Variants in OXNAD1 observed in about 807,000 individuals in gnomAD.
OXNAD1 encodes the protein oxidoreductase NAD-binding domain-containing protein 1.
Under a neutral mutation model 32.9 loss-of-function variants are expected in OXNAD1, and 34 were observed. The ratio of observed to expected loss-of-function variants is 1.03; its 90% CI spans 0.79 to 1.38. OXNAD1 has a LOEUF of 1.38. OXNAD1 is among the 40% of genes most tolerant of loss of function. The pLI, the probability that OXNAD1 is intolerant of heterozygous loss-of-function variation, is 0.00. For synonymous variants in OXNAD1, 134 were observed against 135.2 expected (o/e 0.99, Z 0.06); for missense variants, 407 against 379.4 (o/e 1.07, Z -0.60).
intron 6 of OXNAD1, among the ~76,000 whole-genome samples, chr3:16,300,028 C>T (rs1046988967): frequency 1.3e-5 from 2 of 152,118 alleles, no homozygotes; most frequent in Non-Finnish European, 2.9e-5. Flanking sequence ...GCAGATGAGG[C>T]TCAGAATTTA....
intron 6 of OXNAD1, among the ~76,000 whole-genome samples, chr3:16,300,484 C>G (rs2067103266): frequency 6.6e-6 from 1 of 151,998 alleles, no homozygotes; most frequent in South Asian, 2.1e-4. Flanking sequence ...CTGAACACAA[C>G]AAAGTGTAAT....
Position 16,269,221 on chromosome 3 carries a change from T to C in OXNAD1, c.-63T>C. 6.5e-7 allele frequency: 1 copy of C among 1,534,664 alleles called. No individual in the cohort carries two copies. The highest frequency in any genetic ancestry group is 8.7e-7 in the Non-Finnish European group (1 of 1,146,526). Reference sequence around the variant, plus strand: ...GTGTAATAGCAGGACCAAAATATTCTGTCAATCAGCTGACCATATACTTAA... The same window carrying C: ...GTGTAATAGCAGGACCAAAATATTCCGTCAATCAGCTGACCATATACTTAA... On this transcript the variant is annotated 5_prime_UTR_variant, in exon 2 of 9. Coordinates refer to ENST00000285083, the MANE Select transcript of OXNAD1 (RefSeq NM_138381.5).
At chr3:16,272,332 C>T in intron 4 of OXNAD1, 1 of 234,236 alleles carries the variant, frequency 4.3e-6, no homozygotes, top group Non-Finnish European at 8.8e-6. Context: ...GTGAGTAACC[C>T]CATTTTTGTT....
rs371068891 is a variant in OXNAD1, at chr3:16,296,052, AAG to A, written c.432+1058_432+1059del. Among the ~76,000 whole-genome samples the A allele has an allele frequency of 8.7e-3, 1,328 of 152,272 alleles. 11 individuals are homozygous for A. Among genetic ancestry groups the A allele is most frequent in the Middle Eastern group, 0.034 (10 of 294 alleles). On this transcript the variant is annotated intron_variant, in intron 6 of 8. Transcript: ENST00000285083. ...GTGGGACTTACAGCTCTTGCCTGCA[AAG>A]AGGGTATGGAAACACAGTTGCGTTT...
intron 2 of OXNAD1, among the ~76,000 whole-genome samples, chr3:16,269,677 A>G (rs944705370): frequency 4.6e-5 from 7 of 152,234 alleles, no homozygotes; most frequent in African/African-American, 9.6e-5. Flanking sequence ...AGTGCCTGCC[A>G]CATAGTGGAC....
rs1407324910 is a variant in OXNAD1 at position 16,321,534 on chromosome 3, G to T, written c.*31-15578G>T. 2.0e-5 allele frequency among the ~76,000 whole-genome samples: 3 copies of T among 152,174 alleles called. No individual in the cohort carries two copies. The highest frequency in any genetic ancestry group is 3.2e-3 in the Middle Eastern group (1 of 316). ...GACGCTGACCCTTGTCAGCTGAGGA[G>T]TGAGGAGGGGACACCCAGTGCAGAA... On this transcript the variant is annotated intron_variant, in intron 9 of 9. Coordinates refer to the OXNAD1 transcript ENST00000435829. This position sits in a 1 kb window ranked among gnomAD's most constrained non-coding sequence, Gnocchi z 4.8.
At position 16,293,360 on chromosome 3, in the gene OXNAD1, G is replaced by A. The variant is rs142489974; in HGVS notation, c.291-1496G>A. 1.1e-4 allele frequency among the ~76,000 whole-genome samples: 17 copies of A among 152,192 alleles called. No individual in the cohort carries two copies. In the East Asian group the frequency reaches 3.3e-3, roughly 29 times the overall value. ...GTGTATAGAGATACAGTTGATTTTT[G>A]TCTGTTGATCTTGTATCCTGCAAAC... On this transcript the variant is annotated intron_variant, in intron 5 of 8. Transcript: ENST00000285083.
Position 16,302,821 on chromosome 3 carries a change from A to G in OXNAD1, c.784+73A>G, listed in dbSNP as rs150823182. On this transcript the variant is annotated intron_variant, in intron 8 of 8. Transcript: ENST00000285083. This position sits in a 1 kb window ranked among gnomAD's most constrained non-coding sequence, Gnocchi z 4.2. ...GGACACACCAGTTGGTTGAGCGTAGATGCTTTATTGTTGGAAGCTGCTGGC... is the reference window on the plus strand; with the variant it reads ...GGACACACCAGTTGGTTGAGCGTAGGTGCTTTATTGTTGGAAGCTGCTGGC... 1,972 of 1,146,772 alleles carry G rather than the reference A, an allele frequency of 1.7e-3. 7 individuals are homozygous for G. The highest frequency in any genetic ancestry group is 3.6e-3 in the Admixed American group (171 of 47,248). The allele number at this position is 1,146,772 out of a possible 1,614,324, so 71.0% of individuals were successfully genotyped here. A position where few individuals can be genotyped will look rare whatever the true frequency, so the allele number is the denominator to read the frequency against.
rs1180746388 is a variant in OXNAD1 at position 16,342,398 on chromosome 3, C to T, written c.*31-6778C>T. 4.6e-5 allele frequency among the ~76,000 whole-genome samples: 7 copies of T among 152,190 alleles called. No individual in the cohort carries two copies. The highest frequency in any genetic ancestry group is 3.9e-4 in the Admixed American group (6 of 15,278). ...TTCCTTTTTATTGCAAAATAATATT[C>T]CATCATATGGATATACCATAGTTTA... is the stretch of plus-strand genomic sequence containing the variant. On this transcript the variant is annotated intron_variant, in intron 9 of 9. Coordinates refer to the OXNAD1 transcript ENST00000606098. This position sits in a 1 kb window ranked among gnomAD's most constrained non-coding sequence, Gnocchi z 4.0.
At chr3:16,296,407 A>C (rs34478550) in intron 6 of OXNAD1, among the ~76,000 whole-genome samples, 2 of 152,212 alleles carry the variant, frequency 1.3e-5, no homozygotes, top group Non-Finnish European at 2.9e-5. Context: ...CCTTAAATTG[A>C]TTTACAGATT....
rs886568493 is a variant in OXNAD1 at position 16,301,542 on chromosome 3, A to G, written c.433-84A>G. On this transcript the variant is annotated intron_variant, in intron 6 of 8. Transcript: ENST00000285083. The surrounding 1 kb of genome is among the most constrained non-coding windows in gnomAD (Gnocchi z 4.1). ...GTCTTAAATACTGATAATACAGGAGATAGACCCAGTTTTATTAAAGTAGAA... is the reference window on the plus strand; with the variant it reads ...GTCTTAAATACTGATAATACAGGAGGTAGACCCAGTTTTATTAAAGTAGAA... 9 of 1,492,446 alleles carry G rather than the reference A, an allele frequency of 6.0e-6. No homozygotes were observed. The Admixed American group carries it at 9.4e-5, about 16-fold the overall frequency. 92.5% of individuals were successfully genotyped at this position (1,492,446 alleles called of 1,614,324 possible).
intron 9 of OXNAD1, among the ~76,000 whole-genome samples, chr3:16,311,245 G>C (rs2067966219): frequency 7.3e-6 from 1 of 137,690 alleles, no homozygotes; most frequent in Non-Finnish European, 1.5e-5. Flanking sequence ...CTAGGCTGGA[G>C]TGCAGTGGCA....
At chr3:16,300,948 A>T (rs2067139016) in intron 6 of OXNAD1, among the ~76,000 whole-genome samples, 1 of 152,194 alleles carries the variant, frequency 6.6e-6, no homozygotes. Context: ...ACTGAGAAAA[A>T]CAGTACATTC....
Position 16,316,634 on chromosome 3 carries a change from C to G in OXNAD1, c.*30+13042C>G. 2.9e-6 allele frequency: 2 copies of G among 678,688 alleles called. No individual in the cohort carries two copies. The highest frequency in any genetic ancestry group is 3.5e-5 in the South Asian group (2 of 57,818). 42.0% of individuals were successfully genotyped at this position (678,688 alleles called of 1,614,324 possible). A position where few individuals can be genotyped will look rare whatever the true frequency, so the allele number is the denominator to read the frequency against. ...ACACTGGGTCATTAATGACACCTTT[C>G]CAGTGGATGTGCAAAAACCAACACT... On this transcript the variant is annotated intron_variant, in intron 9 of 9. Coordinates refer to the OXNAD1 transcript ENST00000435829. The surrounding 1 kb of genome is among the most constrained non-coding windows in gnomAD (Gnocchi z 4.5).
rs2068176935 is a variant in OXNAD1, at chr3:16,314,236, C to G, written c.*30+10644C>G. On this transcript the variant is annotated intron_variant, in intron 9 of 9. Transcript: ENST00000435829. The surrounding 1 kb of genome is among the most constrained non-coding windows in gnomAD (Gnocchi z 4.4). ...GGGACCTGGTCAGTGCAAATGATGG[C>G]TTTTTACCCTATTGGCAATCACAGG... Among the ~76,000 whole-genome samples the G allele has an allele frequency of 6.6e-6, 1 of 152,154 alleles. No homozygotes were observed. Among genetic ancestry groups the G allele is most frequent in the Non-Finnish European group, 1.5e-5 (1 of 68,028 alleles).
Position 16,323,549 on chromosome 3 carries a change from C to T in OXNAD1, c.*31-13563C>T. The stretch of plus-strand genomic sequence containing the variant: ...GTTGCCATCCCTAATTTCATCAAAG[C>T]AGACCACCCACAGGATTATGACAGG... On this transcript the variant is annotated intron_variant, in intron 9 of 9. Coordinates refer to the OXNAD1 transcript ENST00000435829. 3.5e-6 allele frequency: 3 copies of T among 853,424 alleles called. No individual in the cohort carries two copies. In the East Asian group the frequency reaches 7.4e-5, roughly 21 times the overall value. The allele number at this position is 853,424 out of a possible 1,614,324, so 52.9% of individuals were successfully genotyped here.
Position 16,271,085 on chromosome 3 carries a change from A to G in OXNAD1, c.119+14A>G, listed in dbSNP as rs746340736. On this transcript the variant is annotated intron_variant, in intron 3 of 8. Transcript: ENST00000285083. This position sits in a 1 kb window ranked among gnomAD's most constrained non-coding sequence, Gnocchi z 4.6. ...TACTCTAACCAGGTGAGTCATTAAG[A>G]CTTCTGTGTCATTTGAAGTTAATTT... 2.5e-6 allele frequency: 4 copies of G among 1,611,806 alleles called. No individual in the cohort carries two copies. The highest frequency in any genetic ancestry group is 3.4e-6 in the Non-Finnish European group (4 of 1,179,172).
chr3:16,279,548 G>A (rs750588063), intron 4 of OXNAD1, among the ~76,000 whole-genome samples: 1 of 151,908 alleles, frequency 6.6e-6, no homozygotes, highest in Non-Finnish European at 1.5e-5. Context: ...TAGAGAGTAA[G>A]GGAAGAGGAC....
At position 16,336,881 on chromosome 3, in the gene OXNAD1, A is replaced by G. The variant is rs1314626393; in HGVS notation, c.*31-231A>G. 6.6e-6 allele frequency among the ~76,000 whole-genome samples: 1 copy of G among 152,224 alleles called. No homozygotes were observed. Among genetic ancestry groups the G allele is most frequent in the Non-Finnish European group, 1.5e-5 (1 of 68,052 alleles). On this transcript the variant is annotated intron_variant, in intron 9 of 9. Transcript: ENST00000435829. This position sits in a 1 kb window ranked among gnomAD's most constrained non-coding sequence, Gnocchi z 6.0. ...AAAAAATAATAATTGTTATTATTAC[A>G]TGAAACATATTGTTTGGAAGAATGG...
Sources: allele counts gnomAD v4.1 joint callset (sites outside exome capture counted in the v4.1 genomes callset), GRCh38; gene constraint gnomAD v4.1.1; non-coding constraint Gnocchi (gnomAD v3.1); transcripts MANE v1.5; gene names NCBI Gene and HGNC (gene_info 2026-07-23, HGNC 2026-07-21).